Variants in EML5 observed in about 807,000 individuals in gnomAD.
The protein encoded by EML5 is EMAP like 5.
EML5 carries 120 observed loss-of-function variants against 250.0 expected under a neutral mutation model. That is an observed-to-expected ratio of 0.48 (90% CI 0.41 to 0.56). EML5 has a LOEUF of 0.56. Among genes scored for constraint, EML5 ranks in the 20% least tolerant of loss-of-function variants. The pLI, the probability that EML5 is intolerant of heterozygous loss-of-function variation, is 0.00. For synonymous variants in EML5, 771 were observed against 806.5 expected (o/e 0.96, Z 0.75); for missense variants, 2,006 against 2,437.6 (o/e 0.82, Z 3.73).
chr14:88,759,692 A>AC (rs2094210179), intron 1 of EML5, among the ~76,000 whole-genome samples: 1 of 150,382 alleles, frequency 6.6e-6, no homozygotes, highest in Non-Finnish European at 1.5e-5. Flanking sequence ...TCTTAAAAAA[A>AC]AAAAAAAAAA....
chr14:88,708,946 T>TA (rs1398529005), intron 10 of EML5, among the ~76,000 whole-genome samples: 5 of 152,190 alleles, frequency 3.3e-5, no homozygotes, highest in African/African-American at 1.2e-4. Flanking sequence ...CTTCCTAATT[T>TA]AAAAGAGGAT....
intron 28 of EML5, 40 bp from the exon 29 acceptor site, chr14:88,646,995 T>C: frequency 6.3e-7 from 1 of 1,578,032 alleles, no homozygotes; most frequent in East Asian, 2.3e-5. Flanking sequence ...GATTACAACA[T>C]AAATTTGAAT....
chr14:88,730,228 G>A (rs1316389702), intron 7 of EML5, among the ~76,000 whole-genome samples: 1 of 152,068 alleles, frequency 6.6e-6, no homozygotes, highest in East Asian at 1.9e-4. Context: ...GTGCTAAAAG[G>A]ATACAAATAT....
chr14:88,686,475 G>A (rs1010579752), intron 19 of EML5, among the ~76,000 whole-genome samples: 2 of 151,938 alleles, frequency 1.3e-5, no homozygotes, highest in Admixed American at 6.6e-5. Context: ...GATGGTCGGC[G>A]GACAGGGAGT....
intron 10 of EML5, among the ~76,000 whole-genome samples, chr14:88,707,908 CAG>C (rs1191363589): frequency 1.3e-5 from 2 of 152,148 alleles, no homozygotes; most frequent in African/African-American, 4.8e-5. Context: ...TCTTAGACAT[CAG>C]AGAGTCTGAA....
chr14:88,736,470 T>G lies in EML5; in HGVS notation c.943A>C (p.Lys315Gln), dbSNP rs765574969. The stretch of plus-strand genomic sequence containing the variant: ...TGCCCTTGCATAATTAGAAAAGGTT[T>G]ATTTCTTTCTTGCACCACAATTTCA... Reference protein sequence around the residue: ...IFEIVVQERNKPFLIMQGHCE... With the variant: ...IFEIVVQERNQPFLIMQGHCE... Residue 315 changes from lysine (K) to glutamine (Q), a missense_variant, in exon 7 of 44, where the codon AAA becomes CAA. Lys to Gln is a moderately conservative substitution (Grantham distance 53). Coordinates refer to ENST00000554922, the MANE Select transcript of EML5 (RefSeq NM_183387.3). 49 of 1,613,938 alleles carry G rather than the reference T, an allele frequency of 3.0e-5. No homozygotes were observed. The highest frequency in any genetic ancestry group is 3.7e-5 in the Non-Finnish European group (44 of 1,179,914).
chr14:88,655,881 G>C (rs2091849159), intron 27 of EML5, among the ~76,000 whole-genome samples: 1 of 152,124 alleles, frequency 6.6e-6, no homozygotes, highest in African/African-American at 2.4e-5. Flanking sequence ...CATCATCACT[G>C]GTCATTAGAG....
intron 21 of EML5, among the ~76,000 whole-genome samples, chr14:88,665,907 C>CAA (rs1345204895): frequency 5.3e-5 from 7 of 133,026 alleles, no homozygotes; most frequent in African/African-American, 1.9e-4. Flanking sequence ...GACCTTGCCT[C>CAA]AAAAAAAAAA....
intron 24 of EML5, among the ~76,000 whole-genome samples, chr14:88,662,352 T>C (rs959977765): frequency 3.5e-5 from 5 of 142,076 alleles, no homozygotes; most frequent in Non-Finnish European, 7.5e-5. Context: ...TTTTTTTTTT[T>C]TTTTTTTTTT....
chr14:88,738,819 GA>G (rs1239877348), intron 6 of EML5, 59 bp downstream of exon 6: 1 of 1,502,378 alleles, frequency 6.7e-7, no homozygotes, highest in African/African-American at 1.4e-5. Context: ...CTGAAAGAAA[GA>G]GATAATCTTT....
intron 29 of EML5, among the ~76,000 whole-genome samples, chr14:88,644,950 G>A (rs1056793760): frequency 1.3e-5 from 2 of 152,028 alleles, no homozygotes; most frequent in Non-Finnish European, 2.9e-5. Flanking sequence ...GACCTCAGGT[G>A]ATCGGCCCGC....
At position 88,696,833 on chromosome 14, in the gene EML5, G is replaced by C; in HGVS notation, c.2344+14C>G. The C allele has an allele frequency of 6.4e-7, 1 of 1,574,006 alleles. No homozygotes were observed. Among genetic ancestry groups the C allele is most frequent in the Non-Finnish European group, 8.6e-7 (1 of 1,157,678 alleles). On this transcript the variant is annotated intron_variant, in intron 15 of 43. Transcript: ENST00000554922. Reference sequence around the variant, plus strand: ...CATTTTGTTAATTCTTACTGAGACAGCAAACAGCCTTACCTGAGAAATCAA... The same window carrying C: ...CATTTTGTTAATTCTTACTGAGACACCAAACAGCCTTACCTGAGAAATCAA...
At chr14:88,656,746 GGACT>G (rs67979903) in intron 27 of EML5, among the ~76,000 whole-genome samples, 61,644 of 151,556 alleles carry the variant, frequency 0.41, 14,790 homozygotes, top group African/African-American at 0.66. Flanking sequence ...TTTGAAATGA[GGACT>G]GACTATGCTT....
intron 12 of EML5, 107 bp downstream of exon 12, chr14:88,705,375 G>T (rs1595592395): frequency 2.3e-6 from 2 of 863,668 alleles, no homozygotes; most frequent in East Asian, 2.7e-5. Flanking sequence ...GTCATACATT[G>T]CTTGAGAAAT....
At chr14:88,701,543 A>G (rs2093209431) in intron 14 of EML5, among the ~76,000 whole-genome samples, 1 of 152,164 alleles carries the variant, frequency 6.6e-6, no homozygotes, top group African/African-American at 2.4e-5. Flanking sequence ...GAGGGAAAGG[A>G]AGGAGAGAAA....
rs770103861 is a variant in EML5 at position 88,620,733 on chromosome 14, CTA to C, written c.5375+19_5375+20del. On this transcript the variant is annotated intron_variant, in intron 39 of 43. Coordinates refer to ENST00000554922, the MANE Select transcript of EML5 (RefSeq NM_183387.3). The surrounding 1 kb of genome is among the most constrained non-coding windows in gnomAD (Gnocchi z 4.3). Reference sequence around the variant, plus strand: ...TTAAATCAAGTATATACTAGAAACTCTATTCCATTTGTTCACTAACCTGATAT... The same window carrying C: ...TTAAATCAAGTATATACTAGAAACTCTTCCATTTGTTCACTAACCTGATAT... The C allele has an allele frequency of 3.2e-6, 5 of 1,543,714 alleles. No individual in the cohort carries two copies. Among genetic ancestry groups the C allele is most frequent in the East Asian group, 4.6e-5 (2 of 43,356 alleles).
At chr14:88,633,884 T>C (rs1316241519) in intron 33 of EML5, among the ~76,000 whole-genome samples, 2 of 152,170 alleles carry the variant, frequency 1.3e-5, no homozygotes, top group Non-Finnish European at 2.9e-5. Context: ...GCACTGGGAT[T>C]ACAGGTGTGA....
At chr14:88,773,715 T>G (rs2094418366) in intron 1 of EML5, among the ~76,000 whole-genome samples, 1 of 152,232 alleles carries the variant, frequency 6.6e-6, no homozygotes, top group African/African-American at 2.4e-5. Flanking sequence ...GGTTTTATTT[T>G]GTTTGTTTTC....
chr14:88,619,094 AG>A (rs1377579279), intron 39 of EML5: 3 of 221,142 alleles, frequency 1.4e-5, no homozygotes, highest in Non-Finnish European at 2.7e-5. Flanking sequence ...GGCCAGGCCC[AG>A]TGGCTCACAC....
Sources: gnomAD v4.1 joint callset for allele counts (sites outside exome capture counted in the v4.1 genomes callset) on GRCh38, gnomAD v4.1.1 for gene constraint, Gnocchi (gnomAD v3.1) non-coding constraint, MANE v1.5 for transcripts, NCBI Gene and HGNC (gene_info 2026-07-23, HGNC 2026-07-21) for gene names.